KCND3: variants seen among roughly 807,000 people sequenced by gnomAD.
KCND3 encodes the protein A-type voltage-gated potassium channel KCND3.
A neutral mutation model predicts 51.1 loss-of-function variants in KCND3; 9 were observed. That is an observed-to-expected ratio of 0.18 (90% confidence interval 0.11 to 0.31). The LOEUF (loss-of-function observed/expected upper bound fraction) is 0.31. KCND3 is among the 10% of genes least tolerant of loss of function. The pLI is 1.00. For missense variants in KCND3, 526 were observed against 903.8 expected (o/e 0.58, Z 5.36); for synonymous variants, 349 against 368.0 (o/e 0.95, Z 0.59).
rs1053884357 is a variant in KCND3, at chr1:111,956,353, G to A, written c.1106+25268C>T. ...CGCCAGTCGCCTCCCCAGTTCCGGAGCCCGAGGGGGCAAGAGCCCATGGCA... is the reference window on the plus strand; with the variant it reads ...CGCCAGTCGCCTCCCCAGTTCCGGAACCCGAGGGGGCAAGAGCCCATGGCA... On this transcript the variant is annotated intron_variant, in intron 2 of 7. Coordinates refer to ENST00000302127, the MANE Select transcript of KCND3 (RefSeq NM_001378969.1). Among the ~76,000 whole-genome samples the A allele has an allele frequency of 3.9e-5, 6 of 152,208 alleles. No individual in the cohort carries two copies. The East Asian group carries it at 9.6e-4, about 24-fold the overall frequency.
chr1:111,883,130 T>G (rs1253088972), intron 2 of KCND3, among the ~76,000 whole-genome samples: 1 of 152,220 alleles, frequency 6.6e-6, no homozygotes, highest in East Asian at 1.9e-4. Context: ...CGTTGACAAC[T>G]GGTCCATCTG....
chr1:111,802,319 C>T (rs1388213862), intron 2 of KCND3, among the ~76,000 whole-genome samples: 1 of 152,226 alleles, frequency 6.6e-6, no homozygotes, highest in East Asian at 1.9e-4. Flanking sequence ...GCACCGCCTG[C>T]TCCTCATCTC....
At position 111,776,052 on chromosome 1, in the gene KCND3, C is replaced by T. The variant is rs1664088527; in HGVS notation, c.*25G>A. ...CCAGTCCCCTTCATTCCCCACTACC[C>T]ACTCTGGCCCTCTGTCCAGTGGTTT... is the stretch of plus-strand genomic sequence containing the variant. On this transcript the variant is annotated 3_prime_UTR_variant, in exon 8 of 8. Transcript: ENST00000302127. The T allele has an allele frequency of 6.2e-7, 1 of 1,613,184 alleles. No individual in the cohort carries two copies. The highest frequency in any genetic ancestry group is 2.2e-5 in the East Asian group (1 of 44,882).
At chr1:111,846,603 T>C (rs564193343) in intron 2 of KCND3, among the ~76,000 whole-genome samples, 1 of 152,316 alleles carries the variant, frequency 6.6e-6, no homozygotes, top group South Asian at 2.1e-4. Context: ...CTCTTCATGC[T>C]TCCCCTTCCT....
At chr1:111,876,955 C>T (rs573683849) in intron 2 of KCND3, among the ~76,000 whole-genome samples, 2 of 152,326 alleles carry the variant, frequency 1.3e-5, no homozygotes, top group South Asian at 2.1e-4. Flanking sequence ...GATGGCTCCA[C>T]ATCTGGATGG....
At chr1:111,908,011 G>A (rs1299388934) in intron 2 of KCND3, among the ~76,000 whole-genome samples, 1 of 152,118 alleles carries the variant, frequency 6.6e-6, no homozygotes, top group African/African-American at 2.4e-5. Context: ...GCCTCCTAGG[G>A]ACTAAGGACT....
At chr1:111,975,703 A>T (rs1160954968) in intron 2 of KCND3, among the ~76,000 whole-genome samples, 1 of 152,138 alleles carries the variant, frequency 6.6e-6, no homozygotes, top group Non-Finnish European at 1.5e-5. Context: ...ACCCTACATG[A>T]GCTGCTTCCC....
intron 2 of KCND3, among the ~76,000 whole-genome samples, chr1:111,873,588 G>A (rs1668921378): frequency 1.3e-5 from 2 of 152,096 alleles, no homozygotes; most frequent in Non-Finnish European, 1.5e-5. Flanking sequence ...GGGAAGACAG[G>A]CTAAGTGTCT....
At chr1:111,925,014 G>T (rs189106751) in intron 2 of KCND3, among the ~76,000 whole-genome samples, 1 of 152,146 alleles carries the variant, frequency 6.6e-6, no homozygotes, top group African/African-American at 2.4e-5. Context: ...ACCTATCCAG[G>T]GACTAGCACT....
chr1:111,875,444 A>G (rs1335503757), intron 2 of KCND3, among the ~76,000 whole-genome samples: 1 of 152,218 alleles, frequency 6.6e-6, no homozygotes, highest in African/African-American at 2.4e-5. Context: ...CCCTTAAAAT[A>G]ACTAGGTTGT....
At chr1:111,778,723 C>G (rs1664244756) in intron 5 of KCND3, among the ~76,000 whole-genome samples, 1 of 152,076 alleles carries the variant, frequency 6.6e-6, no homozygotes, top group South Asian at 2.1e-4. Flanking sequence ...AACATTCTGC[C>G]TCTCCTGTCC....
intron 2 of KCND3, among the ~76,000 whole-genome samples, chr1:111,822,713 A>G (rs1366953131): frequency 6.6e-6 from 1 of 152,188 alleles, no homozygotes; most frequent in Non-Finnish European, 1.5e-5. Flanking sequence ...AATTCTTTCA[A>G]TTCTTTTGGG....
At chr1:111,882,913 A>G (rs1379582469) in intron 2 of KCND3, among the ~76,000 whole-genome samples, 1 of 152,146 alleles carries the variant, frequency 6.6e-6, no homozygotes, top group Non-Finnish European at 1.5e-5. Flanking sequence ...GTCCAGAGCA[A>G]ATAAATGGTA....
At chr1:111,817,185 TAA>T (rs34652868) in intron 2 of KCND3, among the ~76,000 whole-genome samples, 2 of 144,382 alleles carry the variant, frequency 1.4e-5, no homozygotes, top group African/African-American at 2.6e-5. Context: ...CACTAGTTAC[TAA>T]AAAAAAAAAA....
At chr1:111,879,229 C>G (rs1182022651) in intron 2 of KCND3, among the ~76,000 whole-genome samples, 1 of 152,190 alleles carries the variant, frequency 6.6e-6, no homozygotes, top group East Asian at 1.9e-4. Flanking sequence ...TCTCTCTCTA[C>G]ATCCTATTGG....
intron 2 of KCND3, among the ~76,000 whole-genome samples, chr1:111,972,318 G>A (rs1475039723): frequency 6.7e-5 from 10 of 150,314 alleles, no homozygotes; most frequent in Non-Finnish European, 1.0e-4. Flanking sequence ...GACTACAGGC[G>A]CCCGCCACTA....
chr1:111,950,710 T>C (rs1294690813), intron 2 of KCND3, among the ~76,000 whole-genome samples: 1 of 152,128 alleles, frequency 6.6e-6, no homozygotes, highest in Non-Finnish European at 1.5e-5. Flanking sequence ...CAGGGCACCG[T>C]CTAAGGAAGA....
At chr1:111,896,185 G>A (rs1340301932) in intron 2 of KCND3, among the ~76,000 whole-genome samples, 1 of 152,096 alleles carries the variant, frequency 6.6e-6, no homozygotes. Flanking sequence ...CGGTGAATAC[G>A]CGTCAGAGCA....
intron 2 of KCND3, among the ~76,000 whole-genome samples, chr1:111,880,786 T>G (rs763178875): frequency 9.2e-5 from 14 of 152,190 alleles, no homozygotes; most frequent in Admixed American, 2.6e-4. Flanking sequence ...CGTTGCACAT[T>G]TGGTTGGGGA....
Sources: allele counts gnomAD v4.1 joint callset (sites outside exome capture counted in the v4.1 genomes callset), GRCh38; gene constraint gnomAD v4.1.1; transcripts MANE v1.5; gene names NCBI Gene and HGNC (gene_info 2026-07-23, HGNC 2026-07-21).